The following HIP1 variants were observed in gnomAD, a reference collection of about 807,000 sequenced individuals.
The protein encoded by HIP1 is huntingtin interacting protein 1, also known as huntingtin-interacting protein 1.
HIP1 carries 65 observed loss-of-function variants against 147.6 expected under a neutral mutation model. The ratio of observed to expected loss-of-function variants is 0.44; its 90% CI spans 0.36 to 0.54. The LOEUF is 0.54. HIP1 is among the 20% of genes least tolerant of loss of function. The pLI is 0.00. For missense variants in HIP1, 1,061 were observed against 1,299.6 expected (o/e 0.82, Z 2.82); for synonymous variants, 479 against 504.0 (o/e 0.95, Z 0.67).
chr7:75,720,045 A>G (rs1365172312), intron 1 of HIP1, among the ~76,000 whole-genome samples: 7 of 152,242 alleles, frequency 4.6e-5, no homozygotes, highest in African/African-American at 1.7e-4. Context: ...GGCTCAGTGC[A>G]TGAAGCTGGT....
intron 30 of HIP1, among the ~76,000 whole-genome samples, chr7:75,538,894 C>A (rs1432009834): frequency 1.3e-5 from 2 of 152,132 alleles, no homozygotes; most frequent in Non-Finnish European, 2.9e-5. Flanking sequence ...TCCCTTCTGT[C>A]TTTTGGCAAT....
At chr7:75,671,366 T>C (rs1554515285) in intron 1 of HIP1, among the ~76,000 whole-genome samples, 1 of 152,160 alleles carries the variant, frequency 6.6e-6, no homozygotes, top group East Asian at 1.9e-4. Context: ...AGTGCTGGGA[T>C]TACAGATGTG....
At chr7:75,569,056 T>G (rs1232776369) in intron 8 of HIP1, among the ~76,000 whole-genome samples, 1 of 151,944 alleles carries the variant, frequency 6.6e-6, no homozygotes, top group African/African-American at 2.4e-5. Flanking sequence ...AGTCCCGGCT[T>G]GGTTGGTAGC....
At chr7:75,720,256 G>T (rs1288435429) in intron 1 of HIP1, among the ~76,000 whole-genome samples, 2 of 152,136 alleles carry the variant, frequency 1.3e-5, no homozygotes, top group African/African-American at 4.8e-5. Flanking sequence ...CGCCTCCTGG[G>T]TTCAAGCGAT....
In HIP1 at chr7:75,582,074, C is replaced by T. The variant is rs1277150599; in HGVS notation, c.542+1G>A. 1.2e-6 allele frequency: 2 copies of T among 1,613,236 alleles called. No individual in the cohort carries two copies. Among genetic ancestry groups the T allele is most frequent in the Non-Finnish European group, 1.7e-6 (2 of 1,179,522 alleles). ...CTGGGCTCAGGGCAGGAGCCACTTA[C>T]AAGTTGTTCACGTCACTTTCTCCAG... On this transcript the variant is annotated splice_donor_variant, in intron 6 of 30. Coordinates refer to ENST00000336926, the MANE Select transcript of HIP1 (RefSeq NM_005338.7). LOFTEE classifies it high-confidence loss of function.
intron 1 of HIP1, among the ~76,000 whole-genome samples, chr7:75,618,157 T>G (rs1400523004): frequency 6.6e-6 from 1 of 152,032 alleles, no homozygotes; most frequent in Non-Finnish European, 1.5e-5. Context: ...CTTTCTTTCA[T>G]TTTTTTTCTT....
At chr7:75,665,010 G>T (rs557990841) in intron 1 of HIP1, among the ~76,000 whole-genome samples, 1 of 152,102 alleles carries the variant, frequency 6.6e-6, no homozygotes. Context: ...TTGGTGGTTC[G>T]CACCTGTAAT....
chr7:75,638,910 G>T, intron 1 of HIP1: 1 of 220,870 alleles, frequency 4.5e-6, no homozygotes, highest in Non-Finnish European at 7.6e-6. Flanking sequence ...CCTCCGGCAC[G>T]CCTGGAGTTG....
At chr7:75,554,063 G>T (rs1436917327) in intron 21 of HIP1, 50 bp downstream of exon 21, 2 of 1,416,790 alleles carry the variant, frequency 1.4e-6, no homozygotes, top group South Asian at 1.2e-5. Context: ...ACTTTTAAAG[G>T]CCCCCTGCTC....
At chr7:75,581,046 C>T (rs951470685) in intron 7 of HIP1, among the ~76,000 whole-genome samples, 191 bp downstream of exon 7, 12 of 152,096 alleles carry the variant, frequency 7.9e-5, no homozygotes, top group African/African-American at 2.9e-4. Flanking sequence ...CCGGCCGAGA[C>T]CTTGTCTCTT....
At position 75,544,696 on chromosome 7, in the gene HIP1, T is replaced by A; in HGVS notation, c.2765A>T (p.Lys922Met). Residue 922 changes from lysine to methionine, a missense_variant and splice_region_variant, in exon 27 of 31, where the codon AAG (lysine) becomes ATG (methionine). Physicochemically the swap from Lys to Met is moderately conservative, Grantham distance 95 (BLOSUM62 -1). Coordinates refer to ENST00000336926, the MANE Select transcript of HIP1 (RefSeq NM_005338.7). Reference sequence around the variant, plus strand: ...CTAGGAGGTCCAGCCAGGTCCTACCTTGGATGCAGCCACAAGCTGGGCTGT... The same window carrying A: ...CTAGGAGGTCCAGCCAGGTCCTACCATGGATGCAGCCACAAGCTGGGCTGT... Reference protein sequence around the residue: ...ASTAQLVAASKVKADKDSPNL... With the variant: ...ASTAQLVAASMVKADKDSPNL... 2 of 1,600,994 alleles carry A rather than the reference T, an allele frequency of 1.2e-6. No homozygotes were observed. Among genetic ancestry groups the A allele is most frequent in the Non-Finnish European group, 1.7e-6 (2 of 1,168,010 alleles).
At chr7:75,721,286 A>T (rs1288233945) in intron 1 of HIP1, among the ~76,000 whole-genome samples, 1 of 152,008 alleles carries the variant, frequency 6.6e-6, no homozygotes, top group African/African-American at 2.4e-5. Context: ...CTGAGGCAGA[A>T]TTGCTTGAAC....
At chr7:75,656,418 A>C (rs1286020104) in intron 1 of HIP1, among the ~76,000 whole-genome samples, 1 of 146,852 alleles carries the variant, frequency 6.8e-6, no homozygotes, top group East Asian at 2.0e-4. Flanking sequence ...GGCACAAAGC[A>C]AAACTATAAA....
intron 9 of HIP1, among the ~76,000 whole-genome samples, chr7:75,567,367 T>C (rs894256863): frequency 6.6e-6 from 1 of 151,334 alleles, no homozygotes; most frequent in East Asian, 1.9e-4. Context: ...GTCTGGGGCA[T>C]AAGCAGGCAA....
chr7:75,616,615 A>AGAGGAGGAGGAC (rs1797676351), intron 1 of HIP1, among the ~76,000 whole-genome samples: 1 of 80,160 alleles, frequency 1.2e-5, no homozygotes, highest in African/African-American at 3.6e-5. Context: ...AGGAGGAGGA[A>AGAGGAGGAGGAC]GAGGAGGAGG....
chr7:75,592,618 C>T (rs1796540343), intron 2 of HIP1, 104 bp from the exon 3 acceptor site: 4 of 1,213,032 alleles, frequency 3.3e-6, no homozygotes, highest in South Asian at 1.5e-5. Flanking sequence ...ACCCAGCCAT[C>T]ACAGGGGATA....
At chr7:75,542,699 A>G in intron 28 of HIP1, 152 bp downstream of exon 28, 1 of 800,194 alleles carries the variant, frequency 1.2e-6, no homozygotes, top group South Asian at 2.0e-5. Context: ...ACCCTGTCTC[A>G]AAAACAGAAA....
At chr7:75,661,275 T>TAA (rs35661628) in intron 1 of HIP1, among the ~76,000 whole-genome samples, 1 of 135,826 alleles carries the variant, frequency 7.4e-6, no homozygotes. Context: ...GAGACCCTGT[T>TAA]AAAAAAAAAA....
At chr7:75,639,266 C>A (rs1669728623) in intron 1 of HIP1, 2 of 29,348 alleles carry the variant, frequency 6.8e-5, no homozygotes, top group African/African-American at 1.7e-4. Context: ...GGGGAGGCGG[C>A]GAGGGGGAGG....
Sources: gnomAD v4.1 joint callset for allele counts (sites outside exome capture counted in the v4.1 genomes callset) on GRCh38, gnomAD v4.1.1 for gene constraint, MANE v1.5 for transcripts, NCBI Gene and HGNC (gene_info 2026-07-23, HGNC 2026-07-21) for gene names.